The following RGS6 variants were observed in gnomAD, a reference collection of about 807,000 sequenced individuals.
RGS6 encodes regulator of G protein signaling 6, also known as regulator of G-protein signaling 6.
RGS6 carries 30 observed loss-of-function variants against 78.5 expected under a neutral mutation model. The ratio of observed to expected loss-of-function variants is 0.38; its 90% confidence interval spans 0.29 to 0.52. The LOEUF (loss-of-function observed/expected upper bound fraction) is 0.52. Ranked by LOEUF, RGS6 falls within the 20% of genes least tolerant of loss-of-function variation. The pLI is 0.85. For synonymous variants in RGS6, 206 were observed against 206.0 expected, an observed-to-expected ratio of 1.00 and a Z score of 0.00; for missense variants, 495 against 609.7, an observed-to-expected ratio of 0.81 and a Z score of 1.98.
At chr14:72,331,532 C>T (rs1724004821) in intron 2 of RGS6, among the ~76,000 whole-genome samples, 1 of 152,160 alleles carries the variant, frequency 6.6e-6, no homozygotes, top group Non-Finnish European at 1.5e-5. Context: ...CACTTGGTGT[C>T]GGCCGGGAGC....
chr14:72,298,316 T>A, intron 2 of RGS6, among the ~76,000 whole-genome samples: 1 of 152,042 alleles, frequency 6.6e-6, no homozygotes. Flanking sequence ...AGGGTTAAAC[T>A]TCACTTGGCC....
At chr14:72,072,124 G>A (rs778308285) in intron 2 of RGS6, among the ~76,000 whole-genome samples, 4 of 152,148 alleles carry the variant, frequency 2.6e-5, no homozygotes, top group Non-Finnish European at 5.9e-5. Flanking sequence ...ACCATGCTTC[G>A]GGCAGGTGCT....
At chr14:72,397,376 T>G (rs1439091192) in intron 3 of RGS6, among the ~76,000 whole-genome samples, 7 of 151,968 alleles carry the variant, frequency 4.6e-5, no homozygotes, top group African/African-American at 1.5e-4. Flanking sequence ...ATAAGAATGC[T>G]TGTGATTTTT....
At chr14:72,616,466 A>C in the RGS6 span, among the ~76,000 whole-genome samples, 1 of 152,170 alleles carries the variant, frequency 6.6e-6, no homozygotes, top group Admixed American at 6.5e-5. Context: ...TTTGGTCACA[A>C]GGGAGATTTG....
chr14:72,431,691 A>G (rs191457799), intron 3 of RGS6, among the ~76,000 whole-genome samples: 2 of 152,108 alleles, frequency 1.3e-5, no homozygotes, highest in Admixed American at 1.3e-4. Context: ...TCTCCTAACC[A>G]GATGTTAGCT....
At chr14:72,489,848 T>G (rs1269238069) in intron 12 of RGS6, among the ~76,000 whole-genome samples, 1 of 152,178 alleles carries the variant, frequency 6.6e-6, no homozygotes, top group Non-Finnish European at 1.5e-5. Context: ...GAGTATAAAC[T>G]TCTGTTGTTT....
intron 2 of RGS6, among the ~76,000 whole-genome samples, chr14:72,303,282 C>T (rs1438412081): frequency 6.6e-6 from 1 of 152,230 alleles, no homozygotes; most frequent in Non-Finnish European, 1.5e-5. Flanking sequence ...GGGTGGGTCA[C>T]CTGAGGTCAG....
chr14:71,939,659 A>G (rs1051291037), intron 1 of RGS6, among the ~76,000 whole-genome samples: 3 of 152,348 alleles, frequency 2.0e-5, no homozygotes, highest in Middle Eastern at 3.4e-3. Context: ...TTGCTCAAGC[A>G]ATGAAACCAC....
At chr14:72,595,055 T>TC in the RGS6 span, 2 of 152,154 alleles carry the variant, frequency 1.3e-5, no homozygotes, top group East Asian at 3.8e-4. Context: ...GCATGGTGTC[T>TC]CCCATAAATG....
intron 3 of RGS6, among the ~76,000 whole-genome samples, chr14:72,428,064 T>G (rs1169689351): frequency 6.6e-6 from 1 of 152,146 alleles, no homozygotes; most frequent in Admixed American, 6.5e-5. Context: ...AAAGGGATCC[T>G]TAGCTTAGGC....
chr14:72,535,011 C>G (rs2097230090), intron 15 of RGS6, among the ~76,000 whole-genome samples: 1 of 152,218 alleles, frequency 6.6e-6, no homozygotes, highest in African/African-American at 2.4e-5. Flanking sequence ...AACACATTCT[C>G]TCTTGGAACA....
At chr14:72,101,725 T>C (rs748973664) in intron 2 of RGS6, among the ~76,000 whole-genome samples, 13 of 152,196 alleles carry the variant, frequency 8.5e-5, no homozygotes, top group Non-Finnish European at 1.8e-4. Flanking sequence ...GACTGAATTG[T>C]GTATCTCCAA....
chr14:72,228,394 A>G (rs989249690), intron 2 of RGS6, among the ~76,000 whole-genome samples: 1 of 128,424 alleles, frequency 7.8e-6, no homozygotes, highest in African/African-American at 3.2e-5. Context: ...AAATAATAAT[A>G]ATAAAATAAA....
At chr14:72,261,907 A>G (rs888638799) in intron 2 of RGS6, among the ~76,000 whole-genome samples, 1 of 152,256 alleles carries the variant, frequency 6.6e-6, no homozygotes, top group Non-Finnish European at 1.5e-5. Flanking sequence ...TTTCTGAGTC[A>G]TGATACCTAA....
At chr14:72,404,969 C>G (rs1423377771) in intron 3 of RGS6, among the ~76,000 whole-genome samples, 1 of 152,104 alleles carries the variant, frequency 6.6e-6, no homozygotes, top group East Asian at 1.9e-4. Flanking sequence ...AGGGGGAACC[C>G]TGGAGAAGAG....
the RGS6 span, among the ~76,000 whole-genome samples, chr14:72,599,393 C>CTT: frequency 9.2e-4 from 72 of 78,158 alleles, 4 homozygotes; most frequent in Middle Eastern, 7.1e-3. Flanking sequence ...CTTTTCTTTC[C>CTT]TTTTTTTTTT....
At chr14:72,209,938 T>G (rs887858321) in intron 2 of RGS6, among the ~76,000 whole-genome samples, 1 of 152,252 alleles carries the variant, frequency 6.6e-6, no homozygotes, top group African/African-American at 2.4e-5. Flanking sequence ...TCATTCAGTT[T>G]TATCTGCGTA....
chr14:72,472,654 T>C (rs1210589322), intron 8 of RGS6, among the ~76,000 whole-genome samples: 1 of 152,210 alleles, frequency 6.6e-6, no homozygotes, highest in Non-Finnish European at 1.5e-5. Flanking sequence ...TAATCTAGCC[T>C]AAAACAAGTT....
chr14:72,312,210 A>C (rs965992170), intron 2 of RGS6, among the ~76,000 whole-genome samples: 3 of 140,956 alleles, frequency 2.1e-5, no homozygotes, highest in Admixed American at 1.5e-4. Context: ...AGTTGCTTAC[A>C]TTGGCTGAGA....
Sources: allele counts gnomAD v4.1 joint callset (sites outside exome capture counted in the v4.1 genomes callset), GRCh38; gene constraint gnomAD v4.1.1; transcripts MANE v1.5; gene names NCBI Gene and HGNC (gene_info 2026-07-23, HGNC 2026-07-21).